Variants in TACR1 observed in about 807,000 individuals in gnomAD.
TACR1 encodes the protein substance-P receptor.
A neutral mutation model predicts 35.8 loss-of-function variants in TACR1; 25 were observed. The observed-to-expected ratio is 0.70, with a 90% CI of 0.51 to 0.98. The LOEUF (loss-of-function observed/expected upper bound fraction) is 0.98. Among genes scored for constraint, TACR1 ranks in the 50% least tolerant of loss-of-function variants. The pLI is 0.00. For synonymous variants in TACR1, 195 were observed against 206.7 expected, an observed-to-expected ratio of 0.94 and a Z score of 0.48; for missense variants, 478 against 522.9, an observed-to-expected ratio of 0.91 and a Z score of 0.84.
At chr2:75,137,386 T>A (rs757955999) in intron 1 of TACR1, among the ~76,000 whole-genome samples, 1 of 152,162 alleles carries the variant, frequency 6.6e-6, no homozygotes, top group Non-Finnish European at 1.5e-5. Context: ...TGGTGCGCCC[T>A]CCAATCCCCT....
intron 2 of TACR1, among the ~76,000 whole-genome samples, chr2:75,114,609 G>T (rs1376967855): frequency 6.6e-6 from 1 of 152,284 alleles, no homozygotes; most frequent in East Asian, 1.9e-4. Flanking sequence ...AAAGGAAAGG[G>T]TCAGTGCATT....
intron 1 of TACR1, among the ~76,000 whole-genome samples, chr2:75,181,117 A>C (rs979318548): frequency 6.6e-6 from 1 of 152,150 alleles, no homozygotes; most frequent in Non-Finnish European, 1.5e-5. Context: ...AATCTCTGGA[A>C]TCTTGTTTCC....
At position 75,049,176 on chromosome 2, in the gene TACR1, G is replaced by C. The variant is rs1672418341; in HGVS notation, c.*256C>G. The C allele has an allele frequency of 2.1e-6, 1 of 478,068 alleles. No homozygotes were observed. The highest frequency in any genetic ancestry group is 3.7e-6 in the Non-Finnish European group (1 of 270,722). The allele number at this position is 478,068 out of a possible 1,614,324, so 29.6% of individuals were successfully genotyped here. A position where few individuals can be genotyped will look rare whatever the true frequency, so the allele number is the denominator to read the frequency against. The stretch of plus-strand genomic sequence containing the variant: ...AATGAATGGGCTTTTGGGAAAAGCT[G>C]GTCCGACCTTTTATTTTACAGGCTC... On this transcript the variant is annotated 3_prime_UTR_variant, in exon 5 of 5. Transcript: ENST00000305249.
At chr2:75,157,876 AG>A (rs533760550) in intron 1 of TACR1, among the ~76,000 whole-genome samples, 14 of 152,382 alleles carry the variant, frequency 9.2e-5, no homozygotes, top group African/African-American at 3.4e-4. Context: ...AACAATTTGC[AG>A]TGTTTCTACC....
chr2:75,126,991 CAG>C (rs1168896144), intron 1 of TACR1, among the ~76,000 whole-genome samples: 11 of 152,132 alleles, frequency 7.2e-5, no homozygotes, highest in Admixed American at 6.6e-5. Flanking sequence ...CAAAAAATAA[CAG>C]ATGCTGGTGA....
At chr2:75,188,531 G>A (rs1355595002) in intron 1 of TACR1, 1 of 152,188 alleles carries the variant, frequency 6.6e-6, no homozygotes, top group Non-Finnish European at 1.5e-5. Flanking sequence ...GTGGCTTAGG[G>A]CACTGGGCTG....
intron 1 of TACR1, among the ~76,000 whole-genome samples, chr2:75,147,213 G>T (rs190126271): frequency 6.6e-6 from 1 of 152,130 alleles, no homozygotes; most frequent in African/African-American, 2.4e-5. Context: ...CCACCAAAGA[G>T]AACCCTGAGA....
At chr2:75,086,069 A>G (rs996969493) in intron 2 of TACR1, among the ~76,000 whole-genome samples, 1 of 152,226 alleles carries the variant, frequency 6.6e-6, no homozygotes, top group Non-Finnish European at 1.5e-5. Flanking sequence ...CAAAGTGACT[A>G]TGAAACTGGG....
chr2:75,128,791 AC>A (rs1674126478), intron 1 of TACR1, among the ~76,000 whole-genome samples: 2 of 152,164 alleles, frequency 1.3e-5, no homozygotes, highest in East Asian at 3.9e-4. Flanking sequence ...GTAGCTCACA[AC>A]ATTTGTGAGC....
chr2:75,193,780 A>G (rs183773562), intron 1 of TACR1, among the ~76,000 whole-genome samples: 16 of 152,160 alleles, frequency 1.1e-4, no homozygotes, highest in Admixed American at 3.3e-4. Context: ...CTTGTCTCCT[A>G]TGGAATATAT....
At chr2:75,142,437 C>T (rs895761298) in intron 1 of TACR1, among the ~76,000 whole-genome samples, 6 of 152,184 alleles carry the variant, frequency 3.9e-5, no homozygotes, top group Admixed American at 2.6e-4. Flanking sequence ...ATTCCTGTCT[C>T]TCTTATAAGC....
At chr2:75,127,867 T>C (rs987221147) in intron 1 of TACR1, among the ~76,000 whole-genome samples, 6 of 152,210 alleles carry the variant, frequency 3.9e-5, no homozygotes, top group Admixed American at 1.3e-4. Flanking sequence ...AACCCATCTC[T>C]TTCAGGAAAA....
At chr2:75,102,832 A>T (rs1673565658) in intron 2 of TACR1, among the ~76,000 whole-genome samples, 1 of 152,300 alleles carries the variant, frequency 6.6e-6, no homozygotes, top group Non-Finnish European at 1.5e-5. Flanking sequence ...ATGATGGATG[A>T]TGGATCAAAA....
chr2:75,151,504 G>A (rs1432669902), intron 1 of TACR1, among the ~76,000 whole-genome samples: 1 of 152,226 alleles, frequency 6.6e-6, no homozygotes, highest in East Asian at 1.9e-4. Context: ...GAGCCTGCAG[G>A]TGCACAGAAG....
chr2:75,137,196 C>A (rs1674310030), intron 1 of TACR1, among the ~76,000 whole-genome samples: 1 of 152,082 alleles, frequency 6.6e-6, no homozygotes, highest in South Asian at 2.1e-4. Flanking sequence ...CCTCACTAGA[C>A]ACATGACAGA....
chr2:75,047,006 T>G lies in TACR1; in HGVS notation c.*2426A>C, dbSNP rs754502114. 1 of 152,196 alleles carries G rather than the reference T, an allele frequency of 6.6e-6. No individual in the cohort carries two copies. Among genetic ancestry groups the G allele is most frequent in the Non-Finnish European group, 1.5e-5 (1 of 68,058 alleles). The allele number at this position is 152,196 out of a possible 1,614,324, so 9.4% of individuals were successfully genotyped here. On this transcript the variant is annotated 3_prime_UTR_variant, in exon 5 of 5. Coordinates refer to ENST00000305249, the MANE Select transcript of TACR1 (RefSeq NM_001058.4). ...TACAAATCATGGTGTTTCTTACATGTGGGAGTTGATGACATTTTTATAAGT... is the reference window on the plus strand; with the variant it reads ...TACAAATCATGGTGTTTCTTACATGGGGGAGTTGATGACATTTTTATAAGT...
intron 1 of TACR1, among the ~76,000 whole-genome samples, chr2:75,126,327 T>C (rs1188235374): frequency 2.0e-5 from 3 of 152,204 alleles, no homozygotes; most frequent in Non-Finnish European, 4.4e-5. Context: ...ATCCCATCTG[T>C]CATTGATGGG....
At chr2:75,107,625 C>G (rs1673673915) in intron 2 of TACR1, among the ~76,000 whole-genome samples, 1 of 151,734 alleles carries the variant, frequency 6.6e-6, no homozygotes, top group Non-Finnish European at 1.5e-5. Context: ...TTCTAAATAC[C>G]TATTGAGTCA....
At chr2:75,074,796 C>T (rs895968118) in intron 2 of TACR1, among the ~76,000 whole-genome samples, 17 of 152,044 alleles carry the variant, frequency 1.1e-4, no homozygotes, top group Non-Finnish European at 2.9e-5. Flanking sequence ...GGATTAGGCT[C>T]TGTGCATGGA....
Sources: allele counts gnomAD v4.1 joint callset (sites outside exome capture counted in the v4.1 genomes callset), GRCh38; gene constraint gnomAD v4.1.1; transcripts MANE v1.5; gene names NCBI Gene and HGNC (gene_info 2026-07-23, HGNC 2026-07-21).